SLC25A51: variants seen among roughly 807,000 people sequenced by gnomAD.
SLC25A51 encodes mitochondrial nicotinamide adenine dinucleotide transporter SLC25A51.
A neutral mutation model predicts 19.1 loss-of-function variants in SLC25A51; 11 were observed. The observed-to-expected ratio is 0.58, with a 90% CI of 0.36 to 0.96. The LOEUF (loss-of-function observed/expected upper bound fraction) is 0.96, where lower values mean the gene tolerates loss of function less well. Ranked by LOEUF, SLC25A51 falls within the 40% of genes least tolerant of loss-of-function variation. The pLI is 0.01. For synonymous variants in SLC25A51, 105 were observed against 133.6 expected (o/e 0.79, Z 1.47); for missense variants, 201 against 365.4 (o/e 0.55, Z 3.67).
At position 37,889,186 on chromosome 9, in the gene SLC25A51, C is replaced by T. The variant is rs115185467; in HGVS notation, c.-42-594G>A. ...TCGTAATTACTGACTACACTATATA[C>T]GGTATCTATCTATTGTCCTGCTGAA... On this transcript the variant is annotated intron_variant, in intron 2 of 2. Transcript: ENST00000242275. 7.5e-3 allele frequency among the ~76,000 whole-genome samples: 1,137 copies of T among 152,240 alleles called. 12 individuals carry two copies. The highest frequency in any genetic ancestry group is 0.026 in the African/African-American group (1,061 of 41,530).
downstream of SLC25A51, among the ~76,000 whole-genome samples, chr9:37,887,061 A>C (rs1831474045): frequency 6.6e-6 from 1 of 152,136 alleles, no homozygotes; most frequent in Admixed American, 6.5e-5. Context: ...TCACGCCTAT[A>C]ATCCCAGCAC....
exon 4 of SLC25A51, chr9:37,879,577 G>A (rs1247836495): frequency 6.5e-6 from 1 of 152,826 alleles, no homozygotes; most frequent in Non-Finnish European, 1.5e-5. Context: ...CAAATAAAAT[G>A]TACTAGTGAA....
At chr9:37,896,172 T>A (rs1831710076) in intron 2 of SLC25A51, among the ~76,000 whole-genome samples, 1 of 152,174 alleles carries the variant, frequency 6.6e-6, no homozygotes, top group South Asian at 2.1e-4. Flanking sequence ...GAGGCAAAGA[T>A]AACAGACTGC....
At chr9:37,878,170 T>TC (rs1435178418), downstream of SLC25A51, 2 of 166,932 alleles carry the variant, frequency 1.2e-5, no homozygotes, top group African/African-American at 4.8e-5. Flanking sequence ...ACAAAAGAGG[T>TC]CTATGAATTG....
chr9:37,887,417 C>T (rs150697871), downstream of SLC25A51, among the ~76,000 whole-genome samples: 829 of 152,076 alleles, frequency 5.5e-3, 6 homozygotes, highest in African/African-American at 0.019. Flanking sequence ...TGAACAACCC[C>T]CTATTTTGTG....
chr9:37,900,221 C>T (rs812895), intron 1 of SLC25A51, among the ~76,000 whole-genome samples: 10 of 151,468 alleles, frequency 6.6e-5, no homozygotes, highest in East Asian at 3.9e-4. Flanking sequence ...CCAAGGCAGG[C>T]GAATCATGAA....
downstream of SLC25A51, chr9:37,886,086 C>T (rs879220646): frequency 2.7e-5 from 41 of 1,546,246 alleles, no homozygotes; most frequent in Non-Finnish European, 3.5e-5. Flanking sequence ...ACGGTGGATG[C>T]TGGACGCTAT....
chr9:37,878,431 C>A, downstream of SLC25A51: 1 of 194,138 alleles, frequency 5.2e-6, no homozygotes, highest in South Asian at 1.2e-4. Context: ...GTTCTTCACT[C>A]GAAAGAAATC....
intron 1 of SLC25A51, among the ~76,000 whole-genome samples, chr9:37,901,524 T>C (rs1426319938): frequency 6.6e-6 from 1 of 152,222 alleles, no homozygotes; most frequent in Non-Finnish European, 1.5e-5. Flanking sequence ...TTTCATAACT[T>C]GACTGTTTAA....
At chr9:37,896,313 CTGTT>C (rs1831713287) in intron 2 of SLC25A51, among the ~76,000 whole-genome samples, 1 of 151,596 alleles carries the variant, frequency 6.6e-6, no homozygotes, top group African/African-American at 2.4e-5. Flanking sequence ...TAGTACTAAC[CTGTT>C]TTAACCTATT....
At chr9:37,893,953 A>G (rs1315661748) in intron 2 of SLC25A51, among the ~76,000 whole-genome samples, 1 of 152,080 alleles carries the variant, frequency 6.6e-6, no homozygotes, top group East Asian at 1.9e-4. Flanking sequence ...ACCCACCCCT[A>G]TTCCCTGCCC....
At chr9:37,887,249 G>A (rs1434461370), downstream of SLC25A51, among the ~76,000 whole-genome samples, 5 of 151,790 alleles carry the variant, frequency 3.3e-5, no homozygotes, top group South Asian at 2.1e-4. Context: ...CCCTGGAGGC[G>A]GAGGTTGCAG....
intron 1 of SLC25A51, among the ~76,000 whole-genome samples, chr9:37,902,943 T>A (rs1831887032): frequency 6.6e-6 from 1 of 152,180 alleles, no homozygotes; most frequent in South Asian, 2.1e-4. Context: ...CAGGTCTGAG[T>A]CAGCATTCAG....
In SLC25A51 at chr9:37,887,640, C is replaced by G; in HGVS notation, c.*17G>C. The G allele has an allele frequency of 1.9e-6, 3 of 1,597,972 alleles. No homozygotes were observed. Among genetic ancestry groups the G allele is most frequent in the Non-Finnish European group, 2.6e-6 (3 of 1,173,250 alleles). On this transcript the variant is annotated 3_prime_UTR_variant, in exon 3 of 3. Transcript: ENST00000242275. ...AGGTCTATTCAGTTGATAAATGGCACTTAACTGATGGTTTTTTCATATAAC... is the reference window on the plus strand; with the variant it reads ...AGGTCTATTCAGTTGATAAATGGCAGTTAACTGATGGTTTTTTCATATAAC...
At chr9:37,900,105 T>C (rs550640732) in intron 1 of SLC25A51, among the ~76,000 whole-genome samples, 155 bp from the exon 2 acceptor site, 206 of 144,494 alleles carry the variant, frequency 1.4e-3, no homozygotes, top group Non-Finnish European at 1.9e-3. Flanking sequence ...CCCAAAGTGT[T>C]GGGATGACAG....
At position 37,888,354 on chromosome 9, in the gene SLC25A51, C is replaced by T. The variant is rs192601799; in HGVS notation, c.197G>A (p.Arg66Gln). Residue 66 changes from arginine (R) to glutamine (Q), a missense_variant, in exon 3 of 3, where the codon CGG (arginine) becomes CAG (glutamine). Arg to Gln is a conservative substitution (Grantham distance 43, BLOSUM62 1). Transcript: ENST00000242275. ...FRQQLYGIKT[R>Q]DAILQLRRDG... The stretch of plus-strand genomic sequence containing the variant: ...CCTTCTCAACTGAAGTATTGCATCC[C>T]GGGTTTTGATGCCATACAGCTGTTG... 3.1e-6 allele frequency: 5 copies of T among 1,614,204 alleles called. No homozygotes were observed. Among genetic ancestry groups the T allele is most frequent in the East Asian group, 2.2e-5 (1 of 44,886 alleles).
At chr9:37,884,289 A>G (rs1206796931), downstream of SLC25A51, among the ~76,000 whole-genome samples, 3 of 152,220 alleles carry the variant, frequency 2.0e-5, no homozygotes, top group Non-Finnish European at 2.9e-5. Flanking sequence ...CTTTTGACAA[A>G]TAAGTTTTTG....
At chr9:37,902,884 G>T (rs551471794) in intron 1 of SLC25A51, among the ~76,000 whole-genome samples, 14 of 152,212 alleles carry the variant, frequency 9.2e-5, no homozygotes, top group Admixed American at 2.6e-4. Flanking sequence ...GCAAAAACTG[G>T]GGAGAGGGTG....
intron 2 of SLC25A51, among the ~76,000 whole-genome samples, chr9:37,896,745 G>A (rs1165912334): frequency 6.6e-6 from 1 of 152,170 alleles, no homozygotes; most frequent in Non-Finnish European, 1.5e-5. Context: ...GCAGTGAGCC[G>A]AGATTGCACC....
Sources: gnomAD v4.1 joint callset for allele counts (sites outside exome capture counted in the v4.1 genomes callset) on GRCh38, gnomAD v4.1.1 for gene constraint, MANE v1.5 for transcripts, NCBI Gene and HGNC (gene_info 2026-07-23, HGNC 2026-07-21) for gene names.